The following MYOCD variants were observed in gnomAD, a reference collection of about 807,000 sequenced individuals.
MYOCD encodes the protein myocardin.
MYOCD carries 32 observed loss-of-function variants against 96.1 expected under a neutral mutation model. The ratio of observed to expected loss-of-function variants is 0.33; its 90% CI spans 0.25 to 0.45. The LOEUF (loss-of-function observed/expected upper bound fraction) is 0.45. MYOCD is among the 20% of genes least tolerant of loss of function. The pLI is 1.00. For synonymous variants in MYOCD, 469 were observed against 469.0 expected (o/e 1.00, Z 0.00); for missense variants, 1,133 against 1,200.6 (o/e 0.94, Z 0.83).
At chr17:12,746,887 C>T (rs552276751) in intron 9 of MYOCD, among the ~76,000 whole-genome samples, 3 of 151,998 alleles carry the variant, frequency 2.0e-5, no homozygotes, top group African/African-American at 7.2e-5. Context: ...TACCACTACA[C>T]CCAGCTAATT....
Position 12,702,057 on chromosome 17 carries a change from A to C in MYOCD, c.56-3071A>C, listed in dbSNP as rs1442726654. The stretch of plus-strand genomic sequence containing the variant: ...GTGCTAAACAAATATTAATTATATC[A>C]AGATGTTTGATATTATTGCTCAAAT... On this transcript the variant is annotated intron_variant, in intron 1 of 13. Coordinates refer to ENST00000425538, the MANE Select transcript of MYOCD (RefSeq NM_001146312.3). Among the ~76,000 whole-genome samples, 4 of 152,076 alleles carry C rather than the reference A, an allele frequency of 2.6e-5. No homozygotes were observed. In the South Asian group the frequency reaches 6.2e-4, roughly 24 times the overall value.
At chr17:12,748,160 C>CAAAAAAAAA (rs58002174) in intron 9 of MYOCD, among the ~76,000 whole-genome samples, 19 of 90,576 alleles carry the variant, frequency 2.1e-4, no homozygotes, top group African/African-American at 2.7e-4. Context: ...GACTCCGTCT[C>CAAAAAAAAA]AAAAAAAAAA....
At chr17:12,676,523 A>T (rs1018345690) in intron 1 of MYOCD, among the ~76,000 whole-genome samples, 2 of 151,812 alleles carry the variant, frequency 1.3e-5, no homozygotes, top group Non-Finnish European at 2.9e-5. Flanking sequence ...ATTATCCAGT[A>T]TCTCCTATAC....
intron 13 of MYOCD, 68 bp from the exon 14 acceptor site, chr17:12,763,005 C>A: frequency 7.4e-7 from 1 of 1,345,776 alleles, no homozygotes; most frequent in Non-Finnish European, 1.0e-6. Flanking sequence ...CTAAGTGTAA[C>A]TCACTCATAT....
chr17:12,702,775 T>C (rs2031131966), intron 1 of MYOCD, among the ~76,000 whole-genome samples: 1 of 152,012 alleles, frequency 6.6e-6, no homozygotes, highest in African/African-American at 2.4e-5. Context: ...ATTATACCAC[T>C]ACATGTGAAG....
At chr17:12,749,891 C>T (rs2032793944) in intron 9 of MYOCD, among the ~76,000 whole-genome samples, 1 of 151,840 alleles carries the variant, frequency 6.6e-6, no homozygotes, top group Non-Finnish European at 1.5e-5. Flanking sequence ...GCTCTGTCGC[C>T]CAGGCTGGAG....
chr17:12,756,365 T>C (rs1822629191), intron 10 of MYOCD, 49 bp from the exon 11 acceptor site: 2 of 1,549,962 alleles, frequency 1.3e-6, no homozygotes, highest in South Asian at 1.2e-5. Flanking sequence ...AAGGTCACAC[T>C]CAAGTAAGCT....
intron 1 of MYOCD, among the ~76,000 whole-genome samples, chr17:12,676,369 A>G (rs533625702): frequency 6.6e-6 from 1 of 152,312 alleles, no homozygotes; most frequent in African/African-American, 2.4e-5. Context: ...CAACAAGTTG[A>G]GAATCAAAAC....
At chr17:12,760,284 G>T in intron 12 of MYOCD, 1 of 282,876 alleles carries the variant, frequency 3.5e-6, no homozygotes, top group Non-Finnish European at 7.0e-6. Context: ...TTCTATGAGG[G>T]ACTTAGATAG....
At position 12,749,711 on chromosome 17, in the gene MYOCD, A is replaced by ATATATATACATATATG. The variant is rs546068199; in HGVS notation, c.1126-2696_1126-2695insACATATATGTATATAT. On this transcript the variant is annotated intron_variant, in intron 9 of 13. Transcript: ENST00000425538. ...TGTGTATATATGTATACATATGTGT[A>ATATATATACATATATG]TATATATGTGTGTGTGTATATATAT... 4.4e-3 allele frequency among the ~76,000 whole-genome samples: 623 copies of ATATATATACATATATG among 141,658 alleles called. 4 individuals carry two copies. Among genetic ancestry groups the ATATATATACATATATG allele is most frequent in the African/African-American group, 0.016 (589 of 37,438 alleles). 92.9% of individuals were successfully genotyped at this position (141,658 alleles called of 152,430 possible). A position where few individuals can be genotyped will look rare whatever the true frequency, so the allele number is the denominator to read the frequency against.
Position 12,763,696 on chromosome 17 carries a change from A to G in MYOCD, c.*52A>G. 6.8e-7 allele frequency: 1 copy of G among 1,473,198 alleles called. No homozygotes were observed. The highest frequency in any genetic ancestry group is 9.3e-7 in the Non-Finnish European group (1 of 1,075,238). The allele number at this position is 1,473,198 out of a possible 1,614,324, so 91.3% of individuals were successfully genotyped here. A position where few individuals can be genotyped will look rare whatever the true frequency, so the allele number is the denominator to read the frequency against. ...AGACCAATGGAGTTCCATGGGGGAA[A>G]GCACACAGCCATACATACTTTACTG... On this transcript the variant is annotated 3_prime_UTR_variant, in exon 14 of 14. Coordinates refer to ENST00000425538, the MANE Select transcript of MYOCD (RefSeq NM_001146312.3).
intron 2 of MYOCD, 163 bp downstream of exon 2, chr17:12,705,356 G>A (rs1035148370): frequency 3.1e-5 from 17 of 552,704 alleles, no homozygotes; most frequent in African/African-American, 1.5e-4. Flanking sequence ...GCTTTGCCCC[G>A]ACTGCTACCT....
intron 1 of MYOCD, among the ~76,000 whole-genome samples, chr17:12,691,189 C>G (rs1265226125): frequency 3.9e-5 from 6 of 152,148 alleles, no homozygotes; most frequent in Non-Finnish European, 8.8e-5. Flanking sequence ...TATCGTGACT[C>G]AGTAACAGCC....
intron 10 of MYOCD, among the ~76,000 whole-genome samples, chr17:12,755,744 C>T (rs113264171): frequency 0.018 from 2,799 of 152,222 alleles, 90 homozygotes; most frequent in African/African-American, 0.065. Flanking sequence ...TGGTGGCACG[C>T]GCCTGTAGTC....
In MYOCD at chr17:12,761,590, TACACACACACACACACACACAC is replaced by T. The variant is rs5819386; in HGVS notation, c.2389+909_2389+930del. 9.2e-5 allele frequency: 13 copies of T among 141,380 alleles called. 1 individual carries two copies. The highest frequency in any genetic ancestry group is 2.4e-4 in the South Asian group (1 of 4,196). 8.8% of individuals were successfully genotyped at this position (141,380 alleles called of 1,614,324 possible). A position where few individuals can be genotyped will look rare whatever the true frequency, so the allele number is the denominator to read the frequency against. On this transcript the variant is annotated intron_variant, in intron 13 of 13. Transcript: ENST00000425538. ...GAGAAGAGTTCATATCAGATGCCCA[TACACACACACACACACACACAC>T]ACACACACACACACACACACACACA... is the stretch of plus-strand genomic sequence containing the variant.
At chr17:12,713,862 T>A (rs960298386) in intron 2 of MYOCD, among the ~76,000 whole-genome samples, 1 of 152,098 alleles carries the variant, frequency 6.6e-6, no homozygotes, top group Admixed American at 6.5e-5. Flanking sequence ...TCAGAATCAC[T>A]GAGTTGGGAG....
At chr17:12,716,804 C>G (rs1437504734) in intron 3 of MYOCD, among the ~76,000 whole-genome samples, 1 of 151,520 alleles carries the variant, frequency 6.6e-6, no homozygotes, top group Non-Finnish European at 1.5e-5. Context: ...ATGGTGAAAC[C>G]CTGTCTCTAC....
chr17:12,753,038 C>G lies in MYOCD; in HGVS notation c.1750C>G (p.Gln584Glu). The stretch of plus-strand genomic sequence containing the variant: ...TGTCTCCAGCTGTCCTTTTGCATCC[C>G]AAGTACCTGTGAAAAGACAAAGCAG... ...EAVSSCPFAS[Q>E]VPVKRQSSSS... is the part of the protein sequence containing the mutation. Residue 584 changes from glutamine (Q) to glutamate (E), a missense_variant, in exon 10 of 14, where the codon CAA (glutamine) becomes GAA (glutamate). By Grantham distance (29) the Gln-to-Glu change is conservative. Coordinates refer to ENST00000425538, the MANE Select transcript of MYOCD (RefSeq NM_001146312.3). 6.2e-7 allele frequency: 1 copy of G among 1,614,192 alleles called. No homozygotes were observed. Among genetic ancestry groups the G allele is most frequent in the South Asian group, 1.1e-5 (1 of 91,074 alleles).
intron 1 of MYOCD, among the ~76,000 whole-genome samples, chr17:12,703,155 GT>G (rs1367197663): frequency 3.3e-5 from 5 of 151,820 alleles, no homozygotes; most frequent in African/African-American, 1.2e-4. Context: ...GTGTTTATCT[GT>G]TTCTCTTTTT....
Sources: allele counts gnomAD v4.1 joint callset (sites outside exome capture counted in the v4.1 genomes callset), GRCh38; gene constraint gnomAD v4.1.1; transcripts MANE v1.5; gene names NCBI Gene and HGNC (gene_info 2026-07-23, HGNC 2026-07-21).